The following IQGAP3 variants were observed in gnomAD, a reference collection of about 807,000 sequenced individuals.
The protein encoded by IQGAP3 is IQ motif containing GTPase activating protein 3, also known as ras GTPase-activating-like protein IQGAP3.
IQGAP3 carries 165 observed loss-of-function variants against 208.2 expected under a neutral mutation model. The observed-to-expected ratio is 0.79, with a 90% CI of 0.70 to 0.90. IQGAP3 has a LOEUF of 0.90. Among genes scored for constraint, IQGAP3 ranks in the 40% least tolerant of loss-of-function variants. The pLI, the probability that IQGAP3 is intolerant of heterozygous loss-of-function variation, is 0.00. For synonymous variants in IQGAP3, 703 were observed against 803.6 expected, an observed-to-expected ratio of 0.87 and a Z score of 2.12; for missense variants, 1,811 against 2,043.1, an observed-to-expected ratio of 0.89 and a Z score of 2.19.
At position 156,555,056 on chromosome 1, in the gene IQGAP3, T is replaced by TA. The variant is rs1212324574; in HGVS notation, c.1291-665dup. The stretch of plus-strand genomic sequence containing the variant: ...GTGACAGAGCCAGACCGTCTTAAAA[T>TA]AAAAAAAAAAATTGAACTGCACTAG... On this transcript the variant is annotated intron_variant, in intron 12 of 37. Coordinates refer to ENST00000361170, the MANE Select transcript of IQGAP3 (RefSeq NM_178229.5). Among the ~76,000 whole-genome samples, 786 of 146,472 alleles carry TA rather than the reference T, an allele frequency of 5.4e-3. 6 individuals carry two copies. The highest frequency in any genetic ancestry group is 0.018 in the African/African-American group (736 of 40,120).
intron 34 of IQGAP3, 118 bp from the exon 35 acceptor site, chr1:156,529,200 G>T: frequency 9.0e-7 from 1 of 1,109,170 alleles, no homozygotes; most frequent in Non-Finnish European, 1.3e-6. Context: ...AGGCTTCAAG[G>T]CTGTTTTCCT....
chr1:156,564,921 G>C (rs1166956459), intron 4 of IQGAP3, among the ~76,000 whole-genome samples: 2 of 152,102 alleles, frequency 1.3e-5, no homozygotes, highest in African/African-American at 4.8e-5. Flanking sequence ...CATAGTCCTA[G>C]GGTGCCCTGG....
chr1:156,531,397 G>A lies in IQGAP3; in HGVS notation c.4104-150C>T, dbSNP rs1303527081. The A allele has an allele frequency of 3.4e-5, 22 of 638,546 alleles. 1 individual carries two copies. The highest frequency in any genetic ancestry group is 1.5e-4 in the South Asian group (9 of 59,502). The allele number at this position is 638,546 out of a possible 1,614,324, so 39.6% of individuals were successfully genotyped here. On this transcript the variant is annotated intron_variant, in intron 32 of 37. Transcript: ENST00000361170. ...GAGAGAGCGAGGGATAGGGGATGTCGTTGCCTGGAATACCTTCCCAACAAA... is the reference window on the plus strand; with the variant it reads ...GAGAGAGCGAGGGATAGGGGATGTCATTGCCTGGAATACCTTCCCAACAAA...
Position 156,534,586 on chromosome 1 carries a change from C to G in IQGAP3, c.3655G>C (p.Ala1219Pro). 6.2e-7 allele frequency: 1 copy of G among 1,612,252 alleles called. No individual in the cohort carries two copies. The highest frequency in any genetic ancestry group is 2.2e-5 in the East Asian group (1 of 44,854). The change falls in exon 29 of 38, where the codon GCT (alanine) becomes CCT (proline). Residue 1219 changes from alanine to proline, a missense_variant. Physicochemically the swap from Ala to Pro is conservative, Grantham distance 27 (BLOSUM62 -1). Transcript: ENST00000361170. ...LGAVAQLLQH[A>P]AAGKAFSGQS... ...CCAGAGAAGGCCTTGCCAGCCGCAG[C>G]GTGCTGTAGGAGCTGAGCCACAGCC...
chr1:156,544,534 TAAGAAA>T, intron 19 of IQGAP3, 62 bp from the exon 20 acceptor site: 1 of 1,417,710 alleles, frequency 7.1e-7, no homozygotes, highest in Non-Finnish European at 1.0e-6. Context: ...GAAAGGCTTT[TAAGAAA>T]ATCTTTGTCC....
Position 156,534,664 on chromosome 1 carries a change from C to T in IQGAP3, c.3577G>A (p.Val1193Met), listed in dbSNP as rs1202540492. ...AGGGCTCCACCAGCTGCCATGGCCA[C>T]AATGTCGAAGGCGTCAGGAGCCACC... ...AVVAPDAFDI[V>M]AMAAGGALAA... The change falls in exon 29 of 38, where the codon GTG (valine) becomes ATG (methionine). Residue 1193 changes from valine (V) to methionine (M), a missense_variant. Transcript: ENST00000361170. 2.5e-6 allele frequency: 4 copies of T among 1,611,778 alleles called. No homozygotes were observed. The highest frequency in any genetic ancestry group is 1.7e-5 in the Admixed American group (1 of 59,744).
intron 27 of IQGAP3, among the ~76,000 whole-genome samples, 178 bp from the exon 28 acceptor site, chr1:156,535,425 C>A (rs1170706409): frequency 1.3e-5 from 2 of 152,174 alleles, no homozygotes; most frequent in Non-Finnish European, 2.9e-5. Flanking sequence ...CTCCAAACGT[C>A]TCTGGGCCTT....
intron 12 of IQGAP3, among the ~76,000 whole-genome samples, chr1:156,555,078 C>T (rs772267993): frequency 6.6e-6 from 1 of 152,040 alleles, no homozygotes; most frequent in Non-Finnish European, 1.5e-5. Context: ...TTGAACTGCA[C>T]TAGGCCCTGG....
intron 20 of IQGAP3, 44 bp downstream of exon 20, chr1:156,544,345 C>A: frequency 6.4e-7 from 1 of 1,564,104 alleles, no homozygotes; most frequent in African/African-American, 1.4e-5. Flanking sequence ...TGTTCTCAGA[C>A]GGTCCTTTGA....
At chr1:156,560,221 A>G (rs1676082032) in intron 11 of IQGAP3, among the ~76,000 whole-genome samples, 1 of 152,158 alleles carries the variant, frequency 6.6e-6, no homozygotes, top group Non-Finnish European at 1.5e-5. Flanking sequence ...ATAAATAATT[A>G]TATTTGTGGC....
Position 156,526,485 on chromosome 1 carries a change from G to T in IQGAP3, c.*1C>A. 1 of 1,604,040 alleles carries T rather than the reference G, an allele frequency of 6.2e-7. No homozygotes were observed. The highest frequency in any genetic ancestry group is 8.5e-7 in the Non-Finnish European group (1 of 1,170,724). ...GGCTTGGGTAGCACCCTTTGCCTCT[G>T]TCACTTCCGCAAAAACTTCTTGTTG... is the stretch of plus-strand genomic sequence containing the variant. On this transcript the variant is annotated 3_prime_UTR_variant, in exon 38 of 38. Transcript: ENST00000361170.
chr1:156,533,728 A>C, intron 31 of IQGAP3, 45 bp downstream of exon 31: 1 of 1,516,100 alleles, frequency 6.6e-7, no homozygotes, highest in South Asian at 1.1e-5. Flanking sequence ...CCCTCCCTCC[A>C]TGCAGGTCCC....
intron 34 of IQGAP3, among the ~76,000 whole-genome samples, chr1:156,529,412 C>G (rs1475888485): frequency 6.6e-6 from 1 of 151,818 alleles, no homozygotes; most frequent in Non-Finnish European, 1.5e-5. Flanking sequence ...CTGACCTGGG[C>G]ACATTACCCA....
rs1676199645 is a variant in IQGAP3 at position 156,562,448 on chromosome 1, C to G, written c.877+139G>C. The G allele has an allele frequency of 7.0e-6, 5 of 715,992 alleles. No individual in the cohort carries two copies. The Admixed American group carries it at 8.9e-5, about 13-fold the overall frequency. 44.4% of individuals were successfully genotyped at this position (715,992 alleles called of 1,614,324 possible). On this transcript the variant is annotated intron_variant, in intron 9 of 37. Coordinates refer to ENST00000361170, the MANE Select transcript of IQGAP3 (RefSeq NM_178229.5). ...AAGCAGTGCACATACTCCTTGGACT[C>G]TGATCTTTCTCCGAGGCAAGAGTTG...
At chr1:156,548,265 G>C in intron 18 of IQGAP3, 22 bp from the exon 19 acceptor site, 1 of 1,610,864 alleles carries the variant, frequency 6.2e-7, no homozygotes, top group Non-Finnish European at 8.5e-7. Flanking sequence ...GGAGAGAGAC[G>C]CTGTGGTCTT....
intron 2 of IQGAP3, 47 bp from the exon 3 acceptor site, chr1:156,566,593 G>C: frequency 6.3e-7 from 1 of 1,589,294 alleles, no homozygotes; most frequent in Non-Finnish European, 8.6e-7. Context: ...AGACCACAGT[G>C]ATTTATTCTA....
chr1:156,551,888 G>A lies in IQGAP3; in HGVS notation c.1571-20C>T, dbSNP rs1383411463. The A allele has an allele frequency of 6.3e-7, 1 of 1,598,208 alleles. No homozygotes were observed. The highest frequency in any genetic ancestry group is 8.5e-7 in the Non-Finnish European group (1 of 1,170,138). Reference sequence around the variant, plus strand: ...GGACCCCTAAGAAAGAGAGATCTAGGTGGGCAGGGGGCCCCTAGACTTAAT... The same window carrying A: ...GGACCCCTAAGAAAGAGAGATCTAGATGGGCAGGGGGCCCCTAGACTTAAT... On this transcript the variant is annotated intron_variant, in intron 14 of 37. Transcript: ENST00000361170.
intron 22 of IQGAP3, 34 bp from the exon 23 acceptor site, chr1:156,540,950 A>G: frequency 1.3e-6 from 2 of 1,577,792 alleles, no homozygotes; most frequent in Non-Finnish European, 1.7e-6. Flanking sequence ...AGGATTAGCC[A>G]TGCCTCATCA....
chr1:156,535,871 C>T (rs1212716336), intron 27 of IQGAP3, among the ~76,000 whole-genome samples: 1 of 152,160 alleles, frequency 6.6e-6, no homozygotes, highest in Admixed American at 6.5e-5. Flanking sequence ...AATGATCATT[C>T]TTGCCTTCTC....
Sources: allele counts gnomAD v4.1 joint callset (sites outside exome capture counted in the v4.1 genomes callset), GRCh38; gene constraint gnomAD v4.1.1; transcripts MANE v1.5; gene names NCBI Gene and HGNC (gene_info 2026-07-23, HGNC 2026-07-21).